The following VPS50 variants were observed in gnomAD, a reference collection of about 807,000 sequenced individuals.
The protein encoded by VPS50 is syndetin.
VPS50 carries 70 observed loss-of-function variants against 139.7 expected under a neutral mutation model. The ratio of observed to expected loss-of-function variants is 0.50; its 90% CI spans 0.41 to 0.61. The LOEUF is 0.61. Among genes scored for constraint, VPS50 ranks in the 20% least tolerant of loss-of-function variants. VPS50 has a pLI of 0.00. For synonymous variants in VPS50, 365 were observed against 376.7 expected, an observed-to-expected ratio of 0.97 and a Z score of 0.36; for missense variants, 921 against 1,133.7, an observed-to-expected ratio of 0.81 and a Z score of 2.69.
chr7:93,356,153 T>A (rs1243007966), intron 27 of VPS50, 73 bp downstream of exon 27: 1 of 716,550 alleles, frequency 1.4e-6, no homozygotes, highest in African/African-American at 1.8e-5. Context: ...GTGTGTTATT[T>A]AATTCAAAAT....
intron 20 of VPS50, among the ~76,000 whole-genome samples, chr7:93,322,359 G>T (rs2117018437): frequency 6.6e-6 from 1 of 152,116 alleles, no homozygotes; most frequent in East Asian, 1.9e-4. Context: ...CAGCACTTTG[G>T]GAGGCCGAGG....
At chr7:93,305,012 A>G (rs1273702501) in intron 17 of VPS50, among the ~76,000 whole-genome samples, 1 of 151,956 alleles carries the variant, frequency 6.6e-6, no homozygotes, top group Non-Finnish European at 1.5e-5. Context: ...ACCTTTGAAG[A>G]ATATCATTGA....
chr7:93,324,025 T>G (rs1176084623), intron 21 of VPS50, among the ~76,000 whole-genome samples: 1 of 152,218 alleles, frequency 6.6e-6, no homozygotes, highest in African/African-American at 2.4e-5. Context: ...TTTTTTTAAA[T>G]CTGGCTCCAT....
chr7:93,310,158 T>A (rs1253718210), intron 19 of VPS50, among the ~76,000 whole-genome samples: 3 of 152,036 alleles, frequency 2.0e-5, no homozygotes, highest in African/African-American at 7.2e-5. Context: ...AATGTACAAG[T>A]AAGATAGTGT....
intron 12 of VPS50, among the ~76,000 whole-genome samples, chr7:93,282,014 C>A (rs1796342454): frequency 6.6e-6 from 1 of 152,026 alleles, no homozygotes; most frequent in Admixed American, 6.6e-5. Context: ...ACCATCCTGG[C>A]TAACACGGTG....
At position 93,358,489 on chromosome 7, in the gene VPS50, C is replaced by A. The variant is rs1264507743; in HGVS notation, c.*53C>A. On this transcript the variant is annotated 3_prime_UTR_variant, in exon 28 of 28. Transcript: ENST00000305866. ...ATTGATCCTCACTCAACATATATGA[C>A]CTGAAAGCCAGTTTTTTTATGCACT... is the stretch of plus-strand genomic sequence containing the variant. The A allele has an allele frequency of 7.3e-6, 11 of 1,509,076 alleles. No individual in the cohort carries two copies. In the Admixed American group the frequency reaches 2.1e-4, roughly 29 times the overall value. The allele number at this position is 1,509,076 out of a possible 1,614,324, so 93.5% of individuals were successfully genotyped here.
In VPS50 at chr7:93,236,517, G is replaced by A. The variant is rs116531867; in HGVS notation, c.34-3349G>A. Among the ~76,000 whole-genome samples, 1,483 of 152,284 alleles carry A rather than the reference G, an allele frequency of 9.7e-3. 29 individuals carry two copies. Among genetic ancestry groups the A allele is most frequent in the African/African-American group, 0.034 (1,399 of 41,544 alleles). ...ATCTGATTTGGGTAAATGAAGAGGC[G>A]AGTGTTAATTTATGCTGAATTTTCT... On this transcript the variant is annotated intron_variant, in intron 1 of 27. Transcript: ENST00000305866.
rs563498131 is a variant in VPS50, at chr7:93,343,263, C to T, written c.2207+1688C>T. 5.7e-4 allele frequency among the ~76,000 whole-genome samples: 86 copies of T among 151,244 alleles called. No individual in the cohort carries two copies. In the South Asian group the frequency reaches 0.014, roughly 25 times the overall value. ...GGAAGATGAAATGAATGAAATGAAGCGAGAAGGGAAGTTTAGAGAAAAGAG... is the reference window on the plus strand; with the variant it reads ...GGAAGATGAAATGAATGAAATGAAGTGAGAAGGGAAGTTTAGAGAAAAGAG... On this transcript the variant is annotated intron_variant, in intron 23 of 27. Transcript: ENST00000305866.
chr7:93,325,100 A>G (rs1378841662), intron 21 of VPS50, among the ~76,000 whole-genome samples: 3 of 152,200 alleles, frequency 2.0e-5, no homozygotes, highest in African/African-American at 4.8e-5. Context: ...AAACAGAGAT[A>G]TAGATCAATG....
intron 1 of VPS50, among the ~76,000 whole-genome samples, chr7:93,238,742 A>G (rs1378673306): frequency 1.3e-5 from 2 of 152,130 alleles, no homozygotes; most frequent in African/African-American, 4.8e-5. Flanking sequence ...TTATACTGAG[A>G]AATACTGTGT....
intron 25 of VPS50, 110 bp downstream of exon 25, chr7:93,350,143 C>T (rs1798516097): frequency 1.5e-6 from 1 of 657,244 alleles, no homozygotes. Context: ...ACATTTCTAG[C>T]ATTGTGGTAT....
intron 21 of VPS50, among the ~76,000 whole-genome samples, chr7:93,332,616 A>G (rs564540554): frequency 6.6e-6 from 1 of 152,360 alleles, no homozygotes; most frequent in East Asian, 1.9e-4. Context: ...ATTTCTAGTT[A>G]TTTACCCAAG....
At chr7:93,239,363 G>A (rs117584418) in intron 1 of VPS50, among the ~76,000 whole-genome samples, 602 of 152,230 alleles carry the variant, frequency 4.0e-3, no homozygotes, top group Non-Finnish European at 6.4e-3. Flanking sequence ...TGAGATATGA[G>A]ACTTCAATCT....
chr7:93,286,007 C>A (rs1247771761), intron 12 of VPS50, among the ~76,000 whole-genome samples: 1 of 151,592 alleles, frequency 6.6e-6, no homozygotes, highest in Non-Finnish European at 1.5e-5. Flanking sequence ...TTAAAATTTC[C>A]TTTTTTTTCT....
chr7:93,282,738 A>G (rs2116913764), intron 12 of VPS50, among the ~76,000 whole-genome samples: 1 of 152,340 alleles, frequency 6.6e-6, no homozygotes, highest in Middle Eastern at 3.4e-3. Context: ...ATGTGGTTGA[A>G]TAGGTGAGTA....
At chr7:93,284,332 T>A (rs1359575858) in intron 12 of VPS50, among the ~76,000 whole-genome samples, 1 of 152,208 alleles carries the variant, frequency 6.6e-6, no homozygotes, top group East Asian at 1.9e-4. Flanking sequence ...TAGCATCTTA[T>A]AACTTGAAAC....
chr7:93,353,001 A>T (rs1562902157), intron 25 of VPS50, among the ~76,000 whole-genome samples: 1 of 152,116 alleles, frequency 6.6e-6, no homozygotes, highest in Non-Finnish European at 1.5e-5. Flanking sequence ...GGAACTGGTC[A>T]TTGGAGCATT....
intron 9 of VPS50, among the ~76,000 whole-genome samples, chr7:93,261,351 A>T (rs1795666498): frequency 1.3e-5 from 2 of 152,292 alleles, no homozygotes; most frequent in Middle Eastern, 3.4e-3. Flanking sequence ...ATAATCTATC[A>T]AGAAGGACTT....
rs1326569058 is a variant in VPS50, at chr7:93,341,495, A to C, written c.2127A>C (p.Pro709=). Residue 709 remains proline, a synonymous_variant, in exon 23 of 28, where the codon CCA becomes CCC. Coordinates refer to ENST00000305866, the MANE Select transcript of VPS50 (RefSeq NM_017667.4). ...AEERKEKVPS[P]HLSHLVVLTS... ...AAAGAAAGGAGAAGGTGCCAAGTCC[A>C]CACCTCAGTCACCTAGTGGTTTTGA... 1 of 1,611,894 alleles carries C rather than the reference A, an allele frequency of 6.2e-7. No homozygotes were observed.
Sources: allele counts gnomAD v4.1 joint callset (sites outside exome capture counted in the v4.1 genomes callset), GRCh38; gene constraint gnomAD v4.1.1; transcripts MANE v1.5; gene names NCBI Gene and HGNC (gene_info 2026-07-23, HGNC 2026-07-21).